MYO15A: variants seen among roughly 807,000 people sequenced by gnomAD.
MYO15A encodes unconventional myosin-XV.
MYO15A carries 308 observed loss-of-function variants against 394.6 expected under a neutral mutation model. The observed-to-expected ratio is 0.78, with a 90% CI of 0.71 to 0.86. MYO15A has a LOEUF of 0.86. MYO15A is among the 40% of genes least tolerant of loss of function. The probability of loss-of-function intolerance (pLI) is 0.00; values close to 1 mark genes in which losing one functional copy is unlikely to be tolerated. For missense variants in MYO15A, 4,606 were observed against 4,799.1 expected, an observed-to-expected ratio of 0.96 and a Z score of 1.19; for synonymous variants, 1,957 against 2,003.8, an observed-to-expected ratio of 0.98 and a Z score of 0.62.
In MYO15A at chr17:18,117,061, C is replaced by T. The variant is rs1323171107; in HGVS notation, c.-219-1521C>T. On this transcript the variant is annotated intron_variant, in intron 1 of 65. Transcript: ENST00000647165. The surrounding 1 kb of genome is among the most constrained non-coding windows in gnomAD (Gnocchi z 4.1). ...CTGTGCAGGAGGCCCACTTCCTGCA[C>T]GTATCCCCTAACTCGCTCCAAAAGC... Among the ~76,000 whole-genome samples the T allele has an allele frequency of 3.9e-5, 6 of 152,170 alleles. No homozygotes were observed. Among genetic ancestry groups the T allele is most frequent in the Admixed American group, 1.3e-4 (2 of 15,284 alleles).
chr17:18,144,140 G>C (rs921473014), intron 28 of MYO15A, 140 bp downstream of exon 28: 1 of 1,402,484 alleles, frequency 7.1e-7, no homozygotes, highest in African/African-American at 1.4e-5. Flanking sequence ...GGATCATAGG[G>C]AATCTGGGAG....
chr17:18,158,536 G>C lies in MYO15A; in HGVS notation c.8981G>C (p.Arg2994Thr), dbSNP rs2046723627. 1.2e-6 allele frequency: 2 copies of C among 1,614,034 alleles called. No individual in the cohort carries two copies. The highest frequency in any genetic ancestry group is 1.7e-6 in the Non-Finnish European group (2 of 1,180,014). ...VGRRREGPPV[R>T]ARSADHGEDA... Reference sequence around the variant, plus strand: ...CCTCTTCTGCAGGGTCCCCCAGTCAGGGCCCGCTCTGCTGACCATGGGGAG... The same window carrying C: ...CCTCTTCTGCAGGGTCCCCCAGTCACGGCCCGCTCTGCTGACCATGGGGAG... Residue 2994 changes from arginine to threonine, a missense_variant, in exon 52 of 66, where the codon AGG becomes ACG. Physicochemically the swap from Arg to Thr is moderately conservative, Grantham distance 71. This residue lies in a region of MYO15A where 2,776 missense variants were observed against 3,109.3 expected (regional missense o/e 0.89). Transcript: ENST00000647165.
rs978068807 is a variant in MYO15A at position 18,159,026 on chromosome 17, A to G, written c.9156+29A>G. 1.4e-5 allele frequency: 23 copies of G among 1,610,282 alleles called. 2 individuals carry two copies. The South Asian group carries it at 2.0e-4, about 14-fold the overall frequency. On this transcript the variant is annotated intron_variant, in intron 53 of 65. Transcript: ENST00000647165. ...TCCAGTCCCGGACCTCAGTTTCCCC[A>G]TCTGTAAAATGGTGATGCAGGGGCC...
intron 7 of MYO15A, among the ~76,000 whole-genome samples, chr17:18,127,385 G>T (rs1427283570): frequency 6.6e-6 from 1 of 152,182 alleles, no homozygotes; most frequent in Non-Finnish European, 1.5e-5. Context: ...GGCAGCTCCT[G>T]CTTCCAGCCC....
chr17:18,131,495 C>G lies in MYO15A; in HGVS notation c.4170C>G (p.Ser1390=). ...EGGVISGAIT[S]QYLLEKSRIV... is the part of the protein sequence containing the mutation. ...GCGTGATCTCTGGTGCCATAACCTC[C>G]CAGTACCTGCTTGAGAAATCCAGGA... The change falls in exon 10 of 66, where the codon TCC becomes TCG. Residue 1390 remains serine, a synonymous_variant. Coordinates refer to ENST00000647165, the MANE Select transcript of MYO15A (RefSeq NM_016239.4). 1 of 1,613,992 alleles carries G rather than the reference C, an allele frequency of 6.2e-7. No homozygotes were observed. The highest frequency in any genetic ancestry group is 2.2e-5 in the East Asian group (1 of 44,840).
chr17:18,138,243 C>A lies in MYO15A; in HGVS notation c.5004C>A (p.Pro1668=), dbSNP rs1349749284. 6.2e-7 allele frequency: 1 copy of A among 1,612,416 alleles called. No homozygotes were observed. The highest frequency in any genetic ancestry group is 2.2e-5 in the East Asian group (1 of 44,896). ...TCCTTGACGACCAGTGTTGCTTTCC[C>A]CAGGTGAGCCGCAGGCACTGTGTGA... ...LRILDDQCCF[P]QATDHTFLQK... is the part of the protein sequence containing the mutation. Residue 1668 remains proline, a synonymous_variant, in exon 17 of 66, where the codon CCC becomes CCA. Coordinates refer to ENST00000647165, the MANE Select transcript of MYO15A (RefSeq NM_016239.4).
intron 65 of MYO15A, chr17:18,177,860 T>C (rs2047035836): frequency 6.6e-6 from 1 of 152,312 alleles, no homozygotes. Context: ...CAGAGCAGCT[T>C]CCCTGGGGGG....
intron 65 of MYO15A, among the ~76,000 whole-genome samples, chr17:18,174,201 G>A (rs1051683776): frequency 2.0e-5 from 3 of 152,194 alleles, no homozygotes; most frequent in Non-Finnish European, 2.9e-5. Flanking sequence ...GCTGAGATGT[G>A]GAGGCTGGAT....
Position 18,171,659 on chromosome 17 carries a change from C to G in MYO15A, c.10104C>G (p.Ile3368Met). ...ACAGGCGGGAAGTCCAGGAGTACAT[C>G]CCAGCCCAGCTCTACCGTACAACGG... ...LPSVREVQEY[I>M]PAQLYRTTAG... is the part of the protein sequence containing the mutation. Residue 3368 changes from isoleucine (I) to methionine (M), a missense_variant, in exon 63 of 66, where the codon ATC (isoleucine) becomes ATG (methionine). Physicochemically the swap from Ile to Met is conservative, Grantham distance 10 (BLOSUM62 1). Coordinates refer to ENST00000647165, the MANE Select transcript of MYO15A (RefSeq NM_016239.4). 6.2e-7 allele frequency: 1 copy of G among 1,613,910 alleles called. No homozygotes were observed. The highest frequency in any genetic ancestry group is 8.5e-7 in the Non-Finnish European group (1 of 1,180,046).
Position 18,149,337 on chromosome 17 carries a change from G to T in MYO15A, c.7078G>T (p.Gly2360Trp). The change falls in exon 34 of 66, where the codon GGG (glycine) becomes TGG (tryptophan). Residue 2360 changes from glycine (G) to tryptophan (W), a missense_variant. By Grantham distance (184) the Gly-to-Trp change is radical (BLOSUM62 -2). This residue lies in a region of MYO15A where 2,776 missense variants were observed against 3,109.3 expected (regional missense o/e 0.89). Transcript: ENST00000647165. ...CAGCCACAATCAGGACGGTACAAATGGGGAGACTGAGGCCCAAAGAGGGAC... is the reference window on the plus strand; with the variant it reads ...CAGCCACAATCAGGACGGTACAAATTGGGAGACTGAGGCCCAAAGAGGGAC... ...YSSHNQDGTN[G>W]ETEAQRGTAT... 1 of 1,610,944 alleles carries T rather than the reference G, an allele frequency of 6.2e-7. No homozygotes were observed. The highest frequency in any genetic ancestry group is 2.2e-5 in the East Asian group (1 of 44,760).
chr17:18,112,732 A>T (rs1567613153), intron 1 of MYO15A, among the ~76,000 whole-genome samples: 1 of 151,792 alleles, frequency 6.6e-6, no homozygotes, highest in African/African-American at 2.4e-5. Flanking sequence ...TAAATGTTAC[A>T]TTTTTTTTGG....
At chr17:18,114,658 C>T (rs775351361) in intron 1 of MYO15A, among the ~76,000 whole-genome samples, 6 of 152,166 alleles carry the variant, frequency 3.9e-5, no homozygotes, top group Non-Finnish European at 8.8e-5. Flanking sequence ...CTCTAAGGAG[C>T]TGCATCCATT....
Position 18,157,833 on chromosome 17 carries a change from G to A in MYO15A, c.8900G>A (p.Arg2967Gln), listed in dbSNP as rs778595123. Residue 2967 changes from arginine to glutamine, a missense_variant, in exon 51 of 66, where the codon CGA becomes CAA. Physicochemically the swap from Arg to Gln is conservative, Grantham distance 43 (BLOSUM62 1). Coordinates refer to ENST00000647165, the MANE Select transcript of MYO15A (RefSeq NM_016239.4). ...LQLPTEPGRG[R>Q]AAAVAAAVAS... ...CTGCCAACGGAGCCAGGCCGCGGCC[G>A]AGCAGCCGCCGTGGCCGCTGCTGTG... The A allele has an allele frequency of 3.1e-6, 5 of 1,594,316 alleles. No homozygotes were observed. Among genetic ancestry groups the A allele is most frequent in the Admixed American group, 1.7e-5 (1 of 59,306 alleles).
At chr17:18,159,082 GTTCTCAGTGAGACCCTCTGA>G in intron 53 of MYO15A, 85 bp downstream of exon 53, 1 of 1,468,828 alleles carries the variant, frequency 6.8e-7, no homozygotes, top group Non-Finnish European at 9.4e-7. Flanking sequence ...CAACAAACTT[GTTCTCAGTGAGACCCTCTGA>G]TTCTCAGCAC....
chr17:18,170,117 C>A (rs1013444041), intron 62 of MYO15A, among the ~76,000 whole-genome samples: 13 of 152,070 alleles, frequency 8.5e-5, no homozygotes, highest in Non-Finnish European at 1.5e-4. Context: ...CTGTTACCAT[C>A]TCACATGTTA....
intron 29 of MYO15A, 93 bp from the exon 30 acceptor site, chr17:18,145,779 C>A: frequency 9.4e-7 from 1 of 1,062,146 alleles, no homozygotes; most frequent in Non-Finnish European, 1.4e-6. Flanking sequence ...CAGGGGCACA[C>A]ATGGGAGGGA....
intron 7 of MYO15A, among the ~76,000 whole-genome samples, chr17:18,129,189 T>G (rs1175446196): frequency 6.6e-6 from 1 of 152,258 alleles, no homozygotes; most frequent in Non-Finnish European, 1.5e-5. Context: ...TTTGGTCATA[T>G]GTCCTCACTG....
In MYO15A at chr17:18,151,836, A is replaced by G. The variant is rs369105885; in HGVS notation, c.7788-10A>G. ...AGTGTCAACCCACCACAGTACTCCA[A>G]TGCCCACAGGAAGGATGGCGGGAAA... On this transcript the variant is annotated splice_polypyrimidine_tract_variant and intron_variant, in intron 40 of 65. Transcript: ENST00000647165. 74 of 1,568,954 alleles carry G rather than the reference A, an allele frequency of 4.7e-5. No individual in the cohort carries two copies. The highest frequency in any genetic ancestry group is 3.3e-4 in the Middle Eastern group (2 of 6,028).
At chr17:18,155,579 G>T in intron 47 of MYO15A, 147 bp downstream of exon 47, 1 of 794,726 alleles carries the variant, frequency 1.3e-6, no homozygotes. Flanking sequence ...TTTTAGAGCT[G>T]GGGAAACTGA....
Sources: allele counts gnomAD v4.1 joint callset (sites outside exome capture counted in the v4.1 genomes callset), GRCh38; gene constraint gnomAD v4.1.1; regional missense constraint gnomAD v4.1.1; non-coding constraint Gnocchi (gnomAD v3.1); transcripts MANE v1.5; gene names NCBI Gene and HGNC (gene_info 2026-07-23, HGNC 2026-07-21).